The following ARPP21 variants were observed in gnomAD, a reference collection of about 807,000 sequenced individuals.
ARPP21 encodes cAMP regulated phosphoprotein 21, also known as cAMP-regulated phosphoprotein 21.
A neutral mutation model predicts 113.2 loss-of-function variants in ARPP21; 69 were observed. The ratio of observed to expected loss-of-function variants is 0.61; its 90% CI spans 0.50 to 0.74. The LOEUF (loss-of-function observed/expected upper bound fraction) is 0.74. Ranked by LOEUF, ARPP21 falls within the 30% of genes least tolerant of loss-of-function variation. The pLI is 0.00. For synonymous variants in ARPP21, 368 were observed against 375.5 expected, an observed-to-expected ratio of 0.98 and a Z score of 0.23; for missense variants, 1,070 against 1,037.4, an observed-to-expected ratio of 1.03 and a Z score of -0.43.
chr3:35,690,229 T>C, intron 8 of ARPP21, 89 bp downstream of exon 8: 1 of 746,274 alleles, frequency 1.3e-6, no homozygotes, highest in South Asian at 1.5e-5. Flanking sequence ...GACTTAGGGA[T>C]AGACAAAACA....
At chr3:35,768,411 G>T (rs1207693167) in intron 19 of ARPP21, among the ~76,000 whole-genome samples, 2 of 152,144 alleles carry the variant, frequency 1.3e-5, no homozygotes, top group South Asian at 4.1e-4. Flanking sequence ...TGGAACATTG[G>T]CTAACACGGA....
intron 1 of ARPP21, among the ~76,000 whole-genome samples, chr3:35,670,456 A>G (rs2076048548): frequency 6.6e-6 from 1 of 152,114 alleles, no homozygotes; most frequent in Admixed American, 6.6e-5. Context: ...TCATCGGGTC[A>G]TATCAGGCTT....
Position 35,729,597 on chromosome 3 carries a change from A to G in ARPP21, c.1459+61A>G, listed in dbSNP as rs923325424. 3 of 1,412,162 alleles carry G rather than the reference A, an allele frequency of 2.1e-6. No individual in the cohort carries two copies. The African/African-American group carries it at 4.2e-5, about 20-fold the overall frequency. The allele number at this position is 1,412,162 out of a possible 1,614,324, so 87.5% of individuals were successfully genotyped here. ...TTTCAGATGTTTGTTCTTATGTTTG[A>G]TCTTATGAATTTGCTAGCAAGTATT... On this transcript the variant is annotated intron_variant, in intron 15 of 20. Coordinates refer to ENST00000684406, the MANE Select transcript of ARPP21 (RefSeq NM_001385562.1).
chr3:35,657,058 C>A (rs1198300386), intron 1 of ARPP21, among the ~76,000 whole-genome samples: 1 of 151,994 alleles, frequency 6.6e-6, no homozygotes, highest in Non-Finnish European at 1.5e-5. Context: ...TGACATAGTC[C>A]TTAACTGTGT....
intron 1 of ARPP21, among the ~76,000 whole-genome samples, chr3:35,654,394 C>T (rs1291077546): frequency 6.6e-6 from 1 of 152,044 alleles, no homozygotes; most frequent in African/African-American, 2.4e-5. Context: ...AAAGGCACTA[C>T]ATTATTTATT....
intron 19 of ARPP21, among the ~76,000 whole-genome samples, chr3:35,754,031 AT>A (rs889488446): frequency 3.3e-5 from 4 of 119,662 alleles, no homozygotes; most frequent in Non-Finnish European, 5.4e-5. Context: ...CTTCACCTTG[AT>A]TTTTTTGCTC....
At chr3:35,667,913 G>GAA (rs1252841641) in intron 1 of ARPP21, among the ~76,000 whole-genome samples, 19 of 46,812 alleles carry the variant, frequency 4.1e-4, no homozygotes, top group African/African-American at 1.2e-3. Flanking sequence ...GGAAGAGGAA[G>GAA]GAGGAGGAGG....
At chr3:35,726,839 T>TGTTTGCATAA (rs1209890316) in intron 14 of ARPP21, among the ~76,000 whole-genome samples, 3 of 152,202 alleles carry the variant, frequency 2.0e-5, no homozygotes, top group Admixed American at 2.0e-4. Flanking sequence ...AGCTGAATCA[T>TGTTTGCATAA]GTTTGCATAA....
intron 1 of ARPP21, among the ~76,000 whole-genome samples, chr3:35,669,598 G>T (rs1037643622): frequency 3.9e-5 from 6 of 152,080 alleles, no homozygotes; most frequent in East Asian, 1.9e-4. Context: ...GGATCAGATT[G>T]TTCCATTTGT....
intron 1 of ARPP21, among the ~76,000 whole-genome samples, chr3:35,656,796 G>C (rs1705166999): frequency 6.6e-6 from 1 of 151,890 alleles, no homozygotes; most frequent in Non-Finnish European, 1.5e-5. Flanking sequence ...CCCTAAAAAA[G>C]TCAAATTTAC....
chr3:35,759,157 G>C lies in ARPP21; in HGVS notation c.2137+15192G>C, dbSNP rs563214443. 3.2e-4 allele frequency among the ~76,000 whole-genome samples: 48 copies of C among 152,072 alleles called. 1 individual carries two copies. In the South Asian group the frequency reaches 3.5e-3, roughly 11 times the overall value. On this transcript the variant is annotated intron_variant, in intron 19 of 20. Coordinates refer to ENST00000684406, the MANE Select transcript of ARPP21 (RefSeq NM_001385562.1). Reference sequence around the variant, plus strand: ...TTCTCTGTATATTAAAAATTGGCAAGACAAACGTAGGTATATGAACTTACA... The same window carrying C: ...TTCTCTGTATATTAAAAATTGGCAACACAAACGTAGGTATATGAACTTACA...
intron 11 of ARPP21, among the ~76,000 whole-genome samples, chr3:35,712,607 T>C (rs2091511593): frequency 6.6e-6 from 1 of 151,706 alleles, no homozygotes; most frequent in African/African-American, 2.4e-5. Flanking sequence ...TGTGCTTTTG[T>C]ATACAGGCAC....
chr3:35,791,934 G>A (rs919155072), intron 19 of ARPP21, among the ~76,000 whole-genome samples: 2 of 152,182 alleles, frequency 1.3e-5, no homozygotes, highest in African/African-American at 2.4e-5. Flanking sequence ...TGGTCTCTAT[G>A]TGTGAAATGA....
intron 19 of ARPP21, among the ~76,000 whole-genome samples, chr3:35,754,725 C>T (rs890949107): frequency 7.9e-5 from 12 of 151,832 alleles, no homozygotes; most frequent in Non-Finnish European, 1.8e-4. Context: ...TAGGAGGTTA[C>T]AGTAAAAGGA....
At chr3:35,665,807 CCA>C (rs2149226125) in intron 1 of ARPP21, among the ~76,000 whole-genome samples, 1 of 152,264 alleles carries the variant, frequency 6.6e-6, no homozygotes, top group African/African-American at 2.4e-5. Flanking sequence ...GGGCTGTACT[CCA>C]GTCATCGTTG....
At chr3:35,662,037 A>G (rs1708071110) in intron 1 of ARPP21, among the ~76,000 whole-genome samples, 1 of 152,124 alleles carries the variant, frequency 6.6e-6, no homozygotes, top group African/African-American at 2.4e-5. Flanking sequence ...TTTGGATTTG[A>G]GATTAGAGAA....
chr3:35,757,787 C>G (rs2095626164), intron 19 of ARPP21, among the ~76,000 whole-genome samples: 1 of 152,024 alleles, frequency 6.6e-6, no homozygotes, highest in South Asian at 2.1e-4. Flanking sequence ...GTATTGTGAT[C>G]ATAGAGTATC....
intron 19 of ARPP21, among the ~76,000 whole-genome samples, chr3:35,783,882 C>G (rs369479452): frequency 6.6e-6 from 1 of 152,100 alleles, no homozygotes; most frequent in Non-Finnish European, 1.5e-5. Context: ...CATGCTGATC[C>G]TTATGTTTAT....
chr3:35,714,382 A>C (rs899487391), intron 11 of ARPP21, among the ~76,000 whole-genome samples: 1 of 152,228 alleles, frequency 6.6e-6, no homozygotes, highest in African/African-American at 2.4e-5. Flanking sequence ...AAGTGGTTAC[A>C]TTAGCAGGAT....
Sources: allele counts gnomAD v4.1 joint callset (sites outside exome capture counted in the v4.1 genomes callset), GRCh38; gene constraint gnomAD v4.1.1; transcripts MANE v1.5; gene names NCBI Gene and HGNC (gene_info 2026-07-23, HGNC 2026-07-21).